HMGCLL1: variants seen among roughly 807,000 people sequenced by gnomAD.
HMGCLL1 encodes the protein 3-hydroxy-3-methylglutaryl-CoA lyase like 1.
Under a neutral mutation model 39.1 loss-of-function variants are expected in HMGCLL1, and 36 were observed. The ratio of observed to expected loss-of-function variants is 0.92; its 90% confidence interval spans 0.71 to 1.22. The LOEUF is 1.22. HMGCLL1 is among the 50% of genes most tolerant of loss of function. The pLI is 0.00. For synonymous variants in HMGCLL1, 149 were observed against 144.0 expected, an observed-to-expected ratio of 1.03 and a Z score of -0.25; for missense variants, 451 against 416.5, an observed-to-expected ratio of 1.08 and a Z score of -0.72.
At chr6:55,659,964 A>G in the HMGCLL1 span, among the ~76,000 whole-genome samples, 1 of 151,810 alleles carries the variant, frequency 6.6e-6, no homozygotes, top group African/African-American at 2.4e-5. Flanking sequence ...TGAATTCACT[A>G]CTTCCACAGA....
At chr6:55,443,293 A>T (rs1763682448) in intron 7 of HMGCLL1, among the ~76,000 whole-genome samples, 1 of 152,158 alleles carries the variant, frequency 6.6e-6, no homozygotes, top group Admixed American at 6.6e-5. Context: ...TACCCAAAAA[A>T]GTATAAAGTA....
the HMGCLL1 span, among the ~76,000 whole-genome samples, chr6:55,584,790 A>T: frequency 6.6e-6 from 1 of 152,072 alleles, no homozygotes; most frequent in East Asian, 1.9e-4. Flanking sequence ...CCAAACTGAC[A>T]TGTAGCCAAG....
intron 7 of HMGCLL1, among the ~76,000 whole-genome samples, chr6:55,490,453 G>A (rs956344994): frequency 2.6e-5 from 4 of 151,932 alleles, no homozygotes; most frequent in African/African-American, 7.3e-5. Flanking sequence ...TTACTTTTCC[G>A]ACTCAGGAAA....
At chr6:55,638,284 G>GGGAGC in the HMGCLL1 span, among the ~76,000 whole-genome samples, 1 of 151,852 alleles carries the variant, frequency 6.6e-6, no homozygotes, top group Non-Finnish European at 1.5e-5. Context: ...GCGGGCGCTT[G>GGGAGC]TAATCCCAGC....
intron 7 of HMGCLL1, among the ~76,000 whole-genome samples, chr6:55,448,862 C>G (rs1763967243): frequency 6.6e-6 from 1 of 152,124 alleles, no homozygotes; most frequent in Non-Finnish European, 1.5e-5. Context: ...TACTGGCCCC[C>G]AGAACACACT....
chr6:55,438,570 C>T (rs974101647), intron 8 of HMGCLL1, among the ~76,000 whole-genome samples: 19 of 151,942 alleles, frequency 1.3e-4, no homozygotes, highest in African/African-American at 3.9e-4. Flanking sequence ...AAATGGAATA[C>T]GAGGCATAAG....
At chr6:55,489,410 GGAA>G (rs1561913167) in intron 7 of HMGCLL1, among the ~76,000 whole-genome samples, 1 of 151,448 alleles carries the variant, frequency 6.6e-6, no homozygotes. Flanking sequence ...TTATGCCAAG[GGAA>G]GAATCATATC....
intron 3 of HMGCLL1, among the ~76,000 whole-genome samples, chr6:55,538,251 T>A (rs1769141461): frequency 6.6e-6 from 1 of 152,196 alleles, no homozygotes; most frequent in African/African-American, 2.4e-5. Flanking sequence ...CAAAGAGGGC[T>A]AGCAACAGTT....
the HMGCLL1 span, among the ~76,000 whole-genome samples, chr6:55,586,786 T>C: frequency 2.0e-5 from 3 of 152,116 alleles, no homozygotes; most frequent in African/African-American, 7.2e-5. Context: ...ATGTTCTTAA[T>C]CCAGTCTATC....
chr6:55,678,551 C>A, the HMGCLL1 span, among the ~76,000 whole-genome samples: 1 of 151,718 alleles, frequency 6.6e-6, no homozygotes, highest in African/African-American at 2.4e-5. Flanking sequence ...TGATATTGAG[C>A]AAGAAAAAAG....
the HMGCLL1 span, among the ~76,000 whole-genome samples, chr6:55,647,769 AT>A: frequency 0.14 from 10,792 of 74,522 alleles, 381 homozygotes; most frequent in East Asian, 0.24. Context: ...ATTTTATTTT[AT>A]TTTTTTTTTT....
the HMGCLL1 span, among the ~76,000 whole-genome samples, chr6:55,651,997 C>A: frequency 6.6e-6 from 1 of 152,074 alleles, no homozygotes; most frequent in Non-Finnish European, 1.5e-5. Flanking sequence ...TGATTCAAGG[C>A]TGTCTCTCCT....
At chr6:55,671,967 G>A in the HMGCLL1 span, among the ~76,000 whole-genome samples, 47,248 of 151,450 alleles carry the variant, frequency 0.31, 7,522 homozygotes, top group East Asian at 0.41. Context: ...GTTTTTAGTG[G>A]ATATGTATTT....
chr6:55,487,160 T>A (rs1462189408), intron 7 of HMGCLL1, among the ~76,000 whole-genome samples: 1 of 152,008 alleles, frequency 6.6e-6, no homozygotes. Flanking sequence ...CCAACAGTGT[T>A]CTCTTTAGTC....
chr6:55,656,445 T>C, the HMGCLL1 span, among the ~76,000 whole-genome samples: 2 of 151,970 alleles, frequency 1.3e-5, no homozygotes, highest in Non-Finnish European at 2.9e-5. Flanking sequence ...ATGTGGGGCA[T>C]ATAACTAACT....
intron 5 of HMGCLL1, 108 bp downstream of exon 5, chr6:55,513,940 A>C (rs773062410): frequency 8.7e-6 from 8 of 922,418 alleles, no homozygotes; most frequent in African/African-American, 1.7e-5. Context: ...TAGAAATATG[A>C]TATTCTATGT....
At position 55,451,097 on chromosome 6, in the gene HMGCLL1, C is replaced by T. The variant is rs185128239; in HGVS notation, c.796-11538G>A. Among the ~76,000 whole-genome samples, 176 of 152,098 alleles carry T rather than the reference C, an allele frequency of 1.2e-3. 1 individual carries two copies. Among genetic ancestry groups the T allele is most frequent in the African/African-American group, 3.7e-3 (153 of 41,456 alleles). On this transcript the variant is annotated intron_variant, in intron 7 of 8. Transcript: ENST00000274901. ...TGTGCACAAAGAGAAGGGGATGGAG[C>T]TAATGGTTATGGGGAAGAGAAGTAG...
chr6:55,517,501 A>G (rs1410069819), intron 3 of HMGCLL1, among the ~76,000 whole-genome samples: 1 of 152,018 alleles, frequency 6.6e-6, no homozygotes, highest in African/African-American at 2.4e-5. Context: ...AATATGCCAA[A>G]CCAAAACTGG....
chr6:55,650,952 G>C, the HMGCLL1 span, among the ~76,000 whole-genome samples: 2 of 152,042 alleles, frequency 1.3e-5, no homozygotes, highest in South Asian at 4.1e-4. Context: ...CTCCCAACTG[G>C]CCCAGGGTAG....
Sources: gnomAD v4.1 joint callset for allele counts (sites outside exome capture counted in the v4.1 genomes callset) on GRCh38, gnomAD v4.1.1 for gene constraint, MANE v1.5 for transcripts, NCBI Gene and HGNC (gene_info 2026-07-23, HGNC 2026-07-21) for gene names.